TLR9: variants seen among roughly 807,000 people sequenced by gnomAD.
TLR9 encodes toll like receptor 9.
A neutral mutation model predicts 24.6 loss-of-function variants in TLR9; 19 were observed. That is an observed-to-expected ratio of 0.77 (90% confidence interval 0.54 to 1.13). The LOEUF (loss-of-function observed/expected upper bound fraction) is 1.13, where lower values mean the gene tolerates loss of function less well. TLR9 is among the 50% of genes most tolerant of loss of function. TLR9 has a pLI of 0.00. For synonymous variants in TLR9, 579 were observed against 609.8 expected (o/e 0.95, Z 0.74); for missense variants, 1,065 against 1,379.6 (o/e 0.77, Z 3.61).
In TLR9 at chr3:52,222,212, G is replaced by A. The variant is rs199773918; in HGVS notation, c.2104C>T (p.Arg702Trp). The A allele has an allele frequency of 2.7e-5, 44 of 1,614,124 alleles. No individual in the cohort carries two copies. Among genetic ancestry groups the A allele is most frequent in the East Asian group, 2.2e-4 (10 of 44,880 alleles). The change falls in exon 2 of 2, where the codon CGG (arginine) becomes TGG (tryptophan). Residue 702 changes from arginine (R) to tryptophan (W), a missense_variant. Arg to Trp is a moderately radical substitution (Grantham distance 101, BLOSUM62 -3). Coordinates refer to ENST00000360658, the MANE Select transcript of TLR9 (RefSeq NM_017442.4). ...LTNGSLPAGT[R>W]LRRLDVSCNS... is the part of the protein sequence containing the mutation. The stretch of plus-strand genomic sequence containing the variant: ...CAGCTGACATCCAGCCTCCGGAGCC[G>A]GGTGCCAGCAGGCAGGCTGCCATTG...
rs746345488 is a variant in TLR9, at chr3:52,224,019, C to T, written c.297G>A (p.Pro99=). ...AGTGCATGGGGCTGAGGCCAACCGGCGGGCAGTTCCACTTGAGGTTGAGAT... is the reference window on the plus strand; with the variant it reads ...AGTGCATGGGGCTGAGGCCAACCGGTGGGCAGTTCCACTTGAGGTTGAGAT... The part of the protein sequence containing the change: ...LRHLNLKWNC[P]PVGLSPMHFP... Residue 99 remains proline, a synonymous_variant, in exon 2 of 2, where the codon CCG becomes CCA. Coordinates refer to ENST00000360658, the MANE Select transcript of TLR9 (RefSeq NM_017442.4). 2.1e-5 allele frequency: 33 copies of T among 1,588,736 alleles called. No individual in the cohort carries two copies. The highest frequency in any genetic ancestry group is 2.7e-5 in the Non-Finnish European group (31 of 1,163,674).
Position 52,224,032 on chromosome 3 carries a change from T to C in TLR9, c.284A>G (p.Lys95Arg). ...HLPSLRHLNL[K>R]WNCPPVGLSP... ...GAGGCCAACCGGCGGGCAGTTCCACTTGAGGTTGAGATGCCGCAGGCTGGG... is the reference window on the plus strand; with the variant it reads ...GAGGCCAACCGGCGGGCAGTTCCACCTGAGGTTGAGATGCCGCAGGCTGGG... Residue 95 changes from lysine to arginine, a missense_variant, in exon 2 of 2, where the codon AAG becomes AGG. By Grantham distance (26) the Lys-to-Arg change is conservative. Transcript: ENST00000360658. 6.3e-7 allele frequency: 1 copy of C among 1,585,528 alleles called. No homozygotes were observed. The highest frequency in any genetic ancestry group is 8.6e-7 in the Non-Finnish European group (1 of 1,161,930).
chr3:52,224,801 C>T (rs1180150331), intron 1 of TLR9, among the ~76,000 whole-genome samples: 6 of 152,346 alleles, frequency 3.9e-5, no homozygotes, highest in Admixed American at 1.3e-4. Context: ...TGGCCCAGGC[C>T]GGCTGCCTCC....
rs1172787926 is a variant in TLR9 at position 52,225,513 on chromosome 3, A to G, written c.3+14T>C. ...ATATCCCCTTCCCCAGGGGACTGAG[A>G]GCTGTTGTCCTACCATGCTGGGGGG... is the stretch of plus-strand genomic sequence containing the variant. On this transcript the variant is annotated intron_variant, in intron 1 of 1. Transcript: ENST00000360658. The G allele has an allele frequency of 1.9e-6, 3 of 1,591,066 alleles. No individual in the cohort carries two copies. Among genetic ancestry groups the G allele is most frequent in the Admixed American group, 1.9e-5 (1 of 53,482 alleles).
In TLR9 at chr3:52,221,498, T is replaced by C; in HGVS notation, c.2818A>G (p.Thr940Ala). ...CGCAAGAGACCACTGACCCGGTCCG[T>C]GTGGGCCAGCACAAACAGCGTCTTG... ...SRKTLFVLAHTDRVSGLLRAS... is the reference protein window; with the variant it reads ...SRKTLFVLAHADRVSGLLRAS... Residue 940 changes from threonine to alanine, a missense_variant, in exon 2 of 2, where the codon ACG becomes GCG. Transcript: ENST00000360658. This position sits in a 1 kb window ranked among gnomAD's most constrained non-coding sequence, Gnocchi z 9.9. 1 of 1,613,004 alleles carries C rather than the reference T, an allele frequency of 6.2e-7. No individual in the cohort carries two copies. Among genetic ancestry groups the C allele is most frequent in the Non-Finnish European group, 8.5e-7 (1 of 1,179,790 alleles).
In TLR9 at chr3:52,222,470, C is replaced by A; in HGVS notation, c.1846G>T (p.Glu616Ter). 1 of 1,614,230 alleles carries A rather than the reference C, an allele frequency of 6.2e-7. No homozygotes were observed. The highest frequency in any genetic ancestry group is 8.5e-7 in the Non-Finnish European group (1 of 1,180,048). ...AAGAAGTGCAGATAGAGGTCTCCCT[C>A]GGCCCACATATGGCCCAGTGCATTG... ...SGNALGHMWA[E>*]GDLYLHFFQG... The change falls in exon 2 of 2, where the codon GAG (glutamate) becomes TAG (stop). Residue 616 changes from glutamate to a stop codon, truncating the protein, a stop_gained. Coordinates refer to ENST00000360658, the MANE Select transcript of TLR9 (RefSeq NM_017442.4). LOFTEE classifies it low-confidence loss of function (END_TRUNC).
Position 52,225,570 on chromosome 3 carries a change from A to T in TLR9, c.-41T>A, listed in dbSNP as rs1699612327. 1 of 1,573,062 alleles carries T rather than the reference A, an allele frequency of 6.4e-7. No homozygotes were observed. Among genetic ancestry groups the T allele is most frequent in the South Asian group, 1.2e-5 (1 of 85,914 alleles). On this transcript the variant is annotated 5_prime_UTR_variant, in exon 1 of 2. Coordinates refer to ENST00000360658, the MANE Select transcript of TLR9 (RefSeq NM_017442.4). The stretch of plus-strand genomic sequence containing the variant: ...CTTCTCCAGAGGGTCTGGCGGGCAG[A>T]CTGGACAGCAGCTACAGGGAAGGAT...
Position 52,221,186 on chromosome 3 carries a change from A to G in TLR9, c.*31T>C. On this transcript the variant is annotated 3_prime_UTR_variant, in exon 2 of 2. Coordinates refer to ENST00000360658, the MANE Select transcript of TLR9 (RefSeq NM_017442.4). The surrounding 1 kb of genome is among the most constrained non-coding windows in gnomAD (Gnocchi z 9.9). ...GCAGGCAGAGGTGAGGTGAGTGTGG[A>G]GGTGGCACCGTGCAGGATTCCGGCT... 1 of 1,504,154 alleles carries G rather than the reference A, an allele frequency of 6.6e-7. No homozygotes were observed. Among genetic ancestry groups the G allele is most frequent in the Non-Finnish European group, 8.9e-7 (1 of 1,125,252 alleles). 93.2% of individuals were successfully genotyped at this position (1,504,154 alleles called of 1,614,324 possible). A position where few individuals can be genotyped will look rare whatever the true frequency, so the allele number is the denominator to read the frequency against.
rs952850329 is a variant in TLR9 at position 52,224,184 on chromosome 3, G to A, written c.132C>T (p.Asn44=). The A allele has an allele frequency of 1.2e-6, 2 of 1,607,688 alleles. No individual in the cohort carries two copies. Among genetic ancestry groups the A allele is most frequent in the Admixed American group, 3.4e-5 (2 of 59,400 alleles). Residue 44 remains asparagine, a synonymous_variant, in exon 2 of 2, where the codon AAC becomes AAT. Transcript: ENST00000360658. ...CAGACTTCAGGAACAGCCAGTTGCA[G>A]TTCACCAGGCCGTGGGGCTGGAGCT... is the stretch of plus-strand genomic sequence containing the variant. ...PCELQPHGLV[N]CNWLFLKSVP...
At position 52,222,997 on chromosome 3, in the gene TLR9, GC is replaced by G; in HGVS notation, c.1318del (p.Ala440GlnfsTer46). The G allele has an allele frequency of 1.3e-6, 2 of 1,590,666 alleles. No homozygotes were observed. Among genetic ancestry groups the G allele is most frequent in the Non-Finnish European group, 1.7e-6 (2 of 1,166,740 alleles). ...CAGCCAGACCTTCTCCCCTCCATCT[GC>G]CTCCCCCATGGTGGCTGTCAGCTCC... ...ASELTATMGE[A>X]DGGEKVWLQP... is the part of the protein sequence containing the mutation. On this transcript the variant is annotated frameshift_variant, in exon 2 of 2. Coordinates refer to ENST00000360658, the MANE Select transcript of TLR9 (RefSeq NM_017442.4). LOFTEE classifies it low-confidence loss of function (END_TRUNC).
In TLR9 at chr3:52,225,532, T is replaced by TG; in HGVS notation, c.-4dup. 2 of 1,587,050 alleles carry TG rather than the reference T, an allele frequency of 1.3e-6. No individual in the cohort carries two copies. The highest frequency in any genetic ancestry group is 2.7e-5 in the African/African-American group (2 of 72,778). ...ACTGAGAGCTGTTGTCCTACCATGC[T>TG]GGGGGGCAGGGGCTTCTCCAGAGGG... On this transcript the variant is annotated 5_prime_UTR_variant, in exon 1 of 2. Coordinates refer to ENST00000360658, the MANE Select transcript of TLR9 (RefSeq NM_017442.4).
In TLR9 at chr3:52,222,998, C is replaced by T; in HGVS notation, c.1318G>A (p.Ala440Thr). 1 of 1,590,554 alleles carries T rather than the reference C, an allele frequency of 6.3e-7. No homozygotes were observed. Among genetic ancestry groups the T allele is most frequent in the Non-Finnish European group, 8.6e-7 (1 of 1,166,672 alleles). ...AGCCAGACCTTCTCCCCTCCATCTG[C>T]CTCCCCCATGGTGGCTGTCAGCTCC... ...ASELTATMGE[A>T]DGGEKVWLQP... The change falls in exon 2 of 2, where the codon GCA (alanine) becomes ACA (threonine). Residue 440 changes from alanine (A) to threonine (T), a missense_variant. Physicochemically the swap from Ala to Thr is moderately conservative, Grantham distance 58. Coordinates refer to ENST00000360658, the MANE Select transcript of TLR9 (RefSeq NM_017442.4).
In TLR9 at chr3:52,223,624, C is replaced by G; in HGVS notation, c.692G>C (p.Arg231Pro). Residue 231 changes from arginine (R) to proline (P), a missense_variant, in exon 2 of 2, where the codon CGC becomes CCC. Arg to Pro is a moderately radical substitution (Grantham distance 103). Transcript: ENST00000360658. The stretch of plus-strand genomic sequence containing the variant: ...GTCCTCAGGCGCCAGTTTGACGATG[C>G]GGTTGTAGGACAACAGCAGATACTC... ...SLEYLLLSYNRIVKLAPEDLA... is the reference protein window; with the variant it reads ...SLEYLLLSYNPIVKLAPEDLA... The G allele has an allele frequency of 1.3e-6, 2 of 1,556,290 alleles. No individual in the cohort carries two copies. The highest frequency in any genetic ancestry group is 1.7e-6 in the Non-Finnish European group (2 of 1,151,182).
chr3:52,225,603 A>G lies in TLR9; in HGVS notation c.-74T>C. 2 of 1,564,942 alleles carry G rather than the reference A, an allele frequency of 1.3e-6. No homozygotes were observed. The highest frequency in any genetic ancestry group is 1.7e-6 in the Non-Finnish European group (2 of 1,159,714). On this transcript the variant is annotated 5_prime_UTR_variant, in exon 1 of 2. Coordinates refer to ENST00000360658, the MANE Select transcript of TLR9 (RefSeq NM_017442.4). ...GCAGCTACAGGGAAGGATGCTTCACACTCGAGGTCCCTTCCCACAGGGGCA... is the reference window on the plus strand; with the variant it reads ...GCAGCTACAGGGAAGGATGCTTCACGCTCGAGGTCCCTTCCCACAGGGGCA...
chr3:52,224,706 C>T (rs2107296467), intron 1 of TLR9, among the ~76,000 whole-genome samples: 1 of 152,330 alleles, frequency 6.6e-6, no homozygotes, highest in East Asian at 1.9e-4. Context: ...GCCCTGAAAT[C>T]CGCTCTCTGC....
chr3:52,221,732 C>G lies in TLR9; in HGVS notation c.2584G>C (p.Gly862Arg), dbSNP rs141461033. 4.8e-5 allele frequency: 78 copies of G among 1,613,936 alleles called. No individual in the cohort carries two copies. Among genetic ancestry groups the G allele is most frequent in the Non-Finnish European group, 6.5e-5 (77 of 1,180,026 alleles). ...TAGGGCAGGGCATCCTCATCTCGCC[C>G]ACTTTGCCGCCCCCGCCAGGGAAGC... ...AWLPWRGRQSGRDEDALPYDA... is the reference protein window; with the variant it reads ...AWLPWRGRQSRRDEDALPYDA... Residue 862 changes from glycine to arginine, a missense_variant, in exon 2 of 2, where the codon GGG (glycine) becomes CGG (arginine). Physicochemically the swap from Gly to Arg is moderately radical, Grantham distance 125 (BLOSUM62 -2). Transcript: ENST00000360658. The surrounding 1 kb of genome is among the most constrained non-coding windows in gnomAD (Gnocchi z 9.9).
chr3:52,221,474 G>T lies in TLR9; in HGVS notation c.2842C>A (p.Arg948Ser), dbSNP rs369679861. 5 of 1,611,836 alleles carry T rather than the reference G, an allele frequency of 3.1e-6. No individual in the cohort carries two copies. The Admixed American group carries it at 5.0e-5, about 16-fold the overall frequency. The change falls in exon 2 of 2, where the codon CGC becomes AGC. Residue 948 changes from arginine (R) to serine (S), a missense_variant. Coordinates refer to ENST00000360658, the MANE Select transcript of TLR9 (RefSeq NM_017442.4). This position sits in a 1 kb window ranked among gnomAD's most constrained non-coding sequence, Gnocchi z 9.9. The part of the protein sequence containing the change: ...AHTDRVSGLL[R>S]ASFLLAQQRL... Reference sequence around the variant, plus strand: ...TGCTGGGCCAGCAGGAAGCTGGCGCGCAAGAGACCACTGACCCGGTCCGTG... The same window carrying T: ...TGCTGGGCCAGCAGGAAGCTGGCGCTCAAGAGACCACTGACCCGGTCCGTG...
Position 52,222,629 on chromosome 3 carries a change from C to T in TLR9, c.1687G>A (p.Gly563Ser). ...SYNSQPFGMQ[G>S]VGHNFSFVAH... The stretch of plus-strand genomic sequence containing the variant: ...ACGAAGCTGAAGTTGTGGCCCACGC[C>T]CTGCATGCCAAAGGGCTGGCTGTTG... The change falls in exon 2 of 2, where the codon GGC becomes AGC. Residue 563 changes from glycine to serine, a missense_variant. By Grantham distance (56) the Gly-to-Ser change is moderately conservative (BLOSUM62 0). Transcript: ENST00000360658. 6.2e-7 allele frequency: 1 copy of T among 1,614,046 alleles called. No homozygotes were observed. The highest frequency in any genetic ancestry group is 8.5e-7 in the Non-Finnish European group (1 of 1,179,964).
Position 52,221,141 on chromosome 3 carries a change from G to GC in TLR9, c.*75dup. ...GTCAGGTGTGGGGTGAGGGAGGCGAGCAGGGGAGGGTCAGACCAGGCAGGC... is the reference window on the plus strand; with the variant it reads ...GTCAGGTGTGGGGTGAGGGAGGCGAGCCAGGGGAGGGTCAGACCAGGCAGGC... On this transcript the variant is annotated 3_prime_UTR_variant, in exon 2 of 2. Coordinates refer to ENST00000360658, the MANE Select transcript of TLR9 (RefSeq NM_017442.4). The surrounding 1 kb of genome is among the most constrained non-coding windows in gnomAD (Gnocchi z 9.9). 7.3e-7 allele frequency: 1 copy of GC among 1,372,508 alleles called. No individual in the cohort carries two copies. Among genetic ancestry groups the GC allele is most frequent in the South Asian group, 1.5e-5 (1 of 66,050 alleles). 85.0% of individuals were successfully genotyped at this position (1,372,508 alleles called of 1,614,324 possible).
Sources: gnomAD v4.1 joint callset for allele counts (sites outside exome capture counted in the v4.1 genomes callset) on GRCh38, gnomAD v4.1.1 for gene constraint, Gnocchi (gnomAD v3.1) non-coding constraint, MANE v1.5 for transcripts, NCBI Gene and HGNC (gene_info 2026-07-23, HGNC 2026-07-21) for gene names.